Variants in CHRM3 observed in about 807,000 individuals in gnomAD.
The protein encoded by CHRM3 is cholinergic receptor muscarinic 3.
A neutral mutation model predicts 41.8 loss-of-function variants in CHRM3; 11 were observed. The ratio of observed to expected loss-of-function variants is 0.26; its 90% CI spans 0.17 to 0.44. The LOEUF is 0.44. CHRM3 is among the 20% of genes least tolerant of loss of function. The pLI is 1.00. For synonymous variants in CHRM3, 297 were observed against 301.4 expected, an observed-to-expected ratio of 0.99 and a Z score of 0.15; for missense variants, 571 against 745.4, an observed-to-expected ratio of 0.77 and a Z score of 2.72.
intron 6 of CHRM3, among the ~76,000 whole-genome samples, chr1:239,837,840 T>C (rs908379299): frequency 2.6e-5 from 4 of 152,210 alleles, no homozygotes; most frequent in African/African-American, 7.2e-5. Flanking sequence ...TACCCATTCA[T>C]TGAGTTTTTA....
rs527679652 is a variant in CHRM3, at chr1:239,522,303, A to G, written c.-421-23338A>G. ...TGGAGAGTGAGAGGGTCACATGGAG[A>G]CAAGTTGTGGCCGTTGGCCACCAGC... On this transcript the variant is annotated intron_variant, in intron 2 of 6. Coordinates refer to ENST00000676153, the MANE Select transcript of CHRM3 (RefSeq NM_001375978.1). Among the ~76,000 whole-genome samples, 532 of 152,316 alleles carry G rather than the reference A, an allele frequency of 3.5e-3. 3 individuals are homozygous for G. The highest frequency in any genetic ancestry group is 0.012 in the African/African-American group (511 of 41,586).
chr1:239,672,591 C>CA (rs1674483971), intron 4 of CHRM3, among the ~76,000 whole-genome samples: 1 of 119,582 alleles, frequency 8.4e-6, no homozygotes, highest in South Asian at 2.7e-4. Context: ...ATGTCTCTTT[C>CA]TTCCCACTAC....
chr1:239,879,465 C>A (rs1015433106), intron 6 of CHRM3, among the ~76,000 whole-genome samples: 8 of 152,202 alleles, frequency 5.3e-5, no homozygotes, highest in African/African-American at 1.9e-4. Flanking sequence ...CAGAAGCCAA[C>A]TTTGCCTTGC....
At chr1:239,749,478 G>A (rs927284372) in intron 5 of CHRM3, among the ~76,000 whole-genome samples, 1 of 152,144 alleles carries the variant, frequency 6.6e-6, no homozygotes, top group African/African-American at 2.4e-5. Context: ...AGACCAGCCT[G>A]GCCAACATGG....
At chr1:239,718,152 A>G (rs1662581396) in intron 5 of CHRM3, among the ~76,000 whole-genome samples, 1 of 152,100 alleles carries the variant, frequency 6.6e-6, no homozygotes, top group African/African-American at 2.4e-5. Flanking sequence ...AGACACACTC[A>G]GGATTGAAAT....
At chr1:239,616,822 T>C (rs760333149) in intron 3 of CHRM3, among the ~76,000 whole-genome samples, 5 of 127,436 alleles carry the variant, frequency 3.9e-5, no homozygotes, top group Non-Finnish European at 8.2e-5. Flanking sequence ...GACAGGTGTT[T>C]CTAAATGATG....
At chr1:239,552,627 ATATTAT>A (rs78726802) in intron 3 of CHRM3, among the ~76,000 whole-genome samples, 5,389 of 139,710 alleles carry the variant, frequency 0.039, 138 homozygotes, top group African/African-American at 0.06. Flanking sequence ...CACCTGACTA[ATATTAT>A]TATTATTATT....
chr1:239,816,935 G>A (rs967974238), intron 5 of CHRM3, among the ~76,000 whole-genome samples: 1 of 152,002 alleles, frequency 6.6e-6, no homozygotes, highest in African/African-American at 2.4e-5. Context: ...GTTTCACCAT[G>A]TTGACCAGGC....
chr1:239,650,763 A>G (rs779839205), intron 4 of CHRM3, among the ~76,000 whole-genome samples: 3 of 152,226 alleles, frequency 2.0e-5, no homozygotes, highest in Non-Finnish European at 1.5e-5. Context: ...AACTAAACGT[A>G]ATGAGATTTT....
chr1:239,551,144 C>CTTTTTTTTTTTTTTTT (rs1157407521), intron 3 of CHRM3, among the ~76,000 whole-genome samples: 1 of 60,350 alleles, frequency 1.7e-5, no homozygotes, highest in Non-Finnish European at 3.0e-5. Flanking sequence ...TGTTACCATT[C>CTTTTTTTTTTTTTTTT]TTTTTTTTTT....
chr1:239,417,491 T>C (rs943922239), intron 1 of CHRM3, among the ~76,000 whole-genome samples: 1 of 151,898 alleles, frequency 6.6e-6, no homozygotes, highest in Non-Finnish European at 1.5e-5. Flanking sequence ...CATAAGTGTG[T>C]GGTGAAATGT....
chr1:239,758,961 G>C (rs569673253), intron 5 of CHRM3, among the ~76,000 whole-genome samples: 37 of 152,238 alleles, frequency 2.4e-4, no homozygotes, highest in African/African-American at 8.4e-4. Flanking sequence ...GAAGCCTAAG[G>C]CTTCTTTTGT....
At chr1:239,842,379 T>G (rs1051607352) in intron 6 of CHRM3, among the ~76,000 whole-genome samples, 1 of 151,974 alleles carries the variant, frequency 6.6e-6, no homozygotes, top group African/African-American at 2.4e-5. Flanking sequence ...GGATTATAGG[T>G]GCCCGCCATC....
At chr1:239,750,704 C>T (rs1665737794) in intron 5 of CHRM3, among the ~76,000 whole-genome samples, 1 of 152,162 alleles carries the variant, frequency 6.6e-6, no homozygotes, top group Non-Finnish European at 1.5e-5. Context: ...GTAACCAGTC[C>T]AGCTGTTTCT....
intron 5 of CHRM3, among the ~76,000 whole-genome samples, chr1:239,791,051 A>G (rs1223306404): frequency 6.0e-5 from 6 of 100,598 alleles, no homozygotes; most frequent in African/African-American, 3.5e-4. Context: ...CTCCTGGAGA[A>G]AAAAAAAAAA....
intron 3 of CHRM3, among the ~76,000 whole-genome samples, chr1:239,613,839 T>G (rs10925928): frequency 0.056 from 8,580 of 152,046 alleles, 268 homozygotes; most frequent in Middle Eastern, 0.11. Context: ...TAATCAGAGA[T>G]GTAAAGTACT....
intron 1 of CHRM3, among the ~76,000 whole-genome samples, chr1:239,399,522 G>A (rs779332694): frequency 5.3e-5 from 8 of 151,896 alleles, no homozygotes; most frequent in African/African-American, 9.7e-5. Flanking sequence ...CCCTGTCCCC[G>A]CTGGAAACTC....
chr1:239,733,692 A>C (rs1161436071), intron 5 of CHRM3, among the ~76,000 whole-genome samples: 1 of 152,112 alleles, frequency 6.6e-6, no homozygotes, highest in African/African-American at 2.4e-5. Flanking sequence ...TGAAGATTAA[A>C]TAGGGAATTT....
intron 1 of CHRM3, among the ~76,000 whole-genome samples, chr1:239,432,033 C>T (rs1332379911): frequency 6.6e-6 from 1 of 152,120 alleles, no homozygotes; most frequent in African/African-American, 2.4e-5. Context: ...TTTCCATCTT[C>T]TCATCCCGGA....
Sources: gnomAD v4.1 joint callset for allele counts (sites outside exome capture counted in the v4.1 genomes callset) on GRCh38, gnomAD v4.1.1 for gene constraint, MANE v1.5 for transcripts, NCBI Gene and HGNC (gene_info 2026-07-23, HGNC 2026-07-21) for gene names.